Variants in CRK observed in about 807,000 individuals in gnomAD.
CRK encodes adapter molecule crk.
In CRK, 4 loss-of-function variants were observed where a neutral mutation model predicts 29.8. The observed-to-expected ratio is 0.13, with a 90% CI of 0.07 to 0.31. The LOEUF is 0.31. Ranked by LOEUF, CRK falls within the 10% of genes least tolerant of loss-of-function variation. The pLI, the probability that CRK is intolerant of heterozygous loss-of-function variation, is 1.00. For missense variants in CRK, 274 were observed against 396.5 expected, an observed-to-expected ratio of 0.69 and a Z score of 2.62; for synonymous variants, 153 against 164.9, an observed-to-expected ratio of 0.93 and a Z score of 0.55.
chr17:1,435,274 A>ACT (rs761537448), intron 2 of CRK, among the ~76,000 whole-genome samples: 2 of 151,446 alleles, frequency 1.3e-5, no homozygotes, highest in Non-Finnish European at 2.9e-5. Context: ...CCGGTCTCCA[A>ACT]CTCCTGAGCT....
intron 2 of CRK, among the ~76,000 whole-genome samples, chr17:1,430,409 T>C (rs544023533): frequency 1.3e-5 from 2 of 150,236 alleles, no homozygotes; most frequent in East Asian, 2.0e-4. Context: ...CAGGCTGGAG[T>C]GCAGTGGCGC....
intron 1 of CRK, among the ~76,000 whole-genome samples, chr17:1,446,237 C>T (rs2073973827): frequency 1.3e-5 from 2 of 152,138 alleles, no homozygotes; most frequent in Admixed American, 6.6e-5. Flanking sequence ...AACCTCCCAC[C>T]CGGCTTTCAC....
chr17:1,444,593 A>AGT (rs1555654413), intron 1 of CRK, among the ~76,000 whole-genome samples: 1 of 50,948 alleles, frequency 2.0e-5, no homozygotes. Flanking sequence ...GGGAAGCCGA[A>AGT]GCGGGGGGGG....
chr17:1,451,452 G>A (rs980429843), intron 1 of CRK, among the ~76,000 whole-genome samples: 4 of 151,688 alleles, frequency 2.6e-5, no homozygotes, highest in African/African-American at 7.2e-5. Context: ...GGCTGGTCTC[G>A]AACTCTTGAC....
intron 1 of CRK, among the ~76,000 whole-genome samples, chr17:1,440,077 A>T (rs2150907491): frequency 6.6e-6 from 1 of 152,008 alleles, no homozygotes; most frequent in Admixed American, 6.6e-5. Context: ...AGGCAGGTGG[A>T]TCACAAGGTC....
At chr17:1,443,350 A>C (rs2073949649) in intron 1 of CRK, among the ~76,000 whole-genome samples, 1 of 151,948 alleles carries the variant, frequency 6.6e-6, no homozygotes, top group Admixed American at 6.6e-5. Flanking sequence ...GACTATAGGC[A>C]CAAGCCACCC....
intron 1 of CRK, among the ~76,000 whole-genome samples, chr17:1,453,176 C>T (rs1220785820): frequency 2.6e-5 from 4 of 152,178 alleles, no homozygotes; most frequent in Non-Finnish European, 5.9e-5. Context: ...TATCACAATA[C>T]TCGTGAATTT....
At chr17:1,433,542 G>A (rs182600887) in intron 2 of CRK, among the ~76,000 whole-genome samples, 1,580 of 111,798 alleles carry the variant, frequency 0.014, 19 homozygotes, top group Middle Eastern at 0.096. Flanking sequence ...TTTTGAGATG[G>A]AGTTTCACTC....
At chr17:1,430,611 C>A (rs112973264) in intron 2 of CRK, among the ~76,000 whole-genome samples, 8 of 150,166 alleles carry the variant, frequency 5.3e-5, no homozygotes, top group Non-Finnish European at 1.2e-4. Context: ...GTGATCCGCC[C>A]GCCTTGGCCT....
intron 2 of CRK, among the ~76,000 whole-genome samples, chr17:1,427,714 C>T (rs2073794879): frequency 6.6e-6 from 1 of 151,946 alleles, no homozygotes; most frequent in South Asian, 2.1e-4. Flanking sequence ...ACTGCAACCT[C>T]CACCTGCCAG....
At chr17:1,438,958 C>G (rs917969517) in intron 1 of CRK, among the ~76,000 whole-genome samples, 1 of 151,992 alleles carries the variant, frequency 6.6e-6, no homozygotes, top group African/African-American at 2.4e-5. Flanking sequence ...CCCAGCCTCA[C>G]GAATAGCTTC....
chr17:1,442,195 C>G (rs1210413586), intron 1 of CRK, among the ~76,000 whole-genome samples: 6 of 151,232 alleles, frequency 4.0e-5, no homozygotes, highest in African/African-American at 1.5e-4. Flanking sequence ...TGTTCTGTCA[C>G]CCAGGCAGGG....
At chr17:1,430,396 G>T (rs1041803421) in intron 2 of CRK, among the ~76,000 whole-genome samples, 1 of 150,378 alleles carries the variant, frequency 6.6e-6, no homozygotes, top group East Asian at 2.0e-4. Flanking sequence ...TCGCTCTGTC[G>T]CCCAGGCTGG....
Position 1,436,725 on chromosome 17 carries a change from G to A in CRK, c.672C>T (p.Pro224=), listed in dbSNP as rs2073889350. 6.2e-7 allele frequency: 1 copy of A among 1,607,294 alleles called. No individual in the cohort carries two copies. Among genetic ancestry groups the A allele is most frequent in the Non-Finnish European group, 8.5e-7 (1 of 1,177,248 alleles). Residue 224 remains proline (P), a synonymous_variant, in exon 2 of 3, where the codon CCC becomes CCT. Transcript: ENST00000300574. The part of the protein sequence containing the change: ...GGPEPGPYAQ[P]SVNTPLPNLQ... ...GGTTAGGGAGCGGAGTGTTGACGCT[G>A]GGTTGGGCATAGGGCCCAGGCTCCG... is the stretch of plus-strand genomic sequence containing the variant.
At chr17:1,451,232 C>T (rs1157717700) in intron 1 of CRK, among the ~76,000 whole-genome samples, 3 of 128,478 alleles carry the variant, frequency 2.3e-5, no homozygotes, top group African/African-American at 5.7e-5. Context: ...TTTTAAAAAG[C>T]TTCTTCATCA....
intron 1 of CRK, among the ~76,000 whole-genome samples, chr17:1,444,000 T>A (rs1282819924): frequency 6.6e-6 from 1 of 151,696 alleles, no homozygotes; most frequent in Middle Eastern, 3.2e-3. Context: ...CCGCCTGGCC[T>A]ATTTTTTTTT....
chr17:1,451,054 T>C (rs1162127610), intron 1 of CRK, among the ~76,000 whole-genome samples: 4 of 150,988 alleles, frequency 2.6e-5, no homozygotes, highest in African/African-American at 9.7e-5. Flanking sequence ...TAGCCGGGCG[T>C]GGTGGCGGGC....
At position 1,421,437 on chromosome 17, in the gene CRK, A is replaced by AACT. The variant is rs2073723423; in HGVS notation, c.*2075_*2076insAGT. ...TAACTGAAAATTTAACAAAGCAGTC[A>AACT]GATGGAATTACATGTAGTATTACAA... On this transcript the variant is annotated 3_prime_UTR_variant, in exon 3 of 3. Coordinates refer to ENST00000300574, the MANE Select transcript of CRK (RefSeq NM_016823.4). The AACT allele has an allele frequency of 2.0e-5, 3 of 152,260 alleles. No homozygotes were observed. Among genetic ancestry groups the AACT allele is most frequent in the Non-Finnish European group, 4.4e-5 (3 of 68,052 alleles). The allele number at this position is 152,260 out of a possible 1,614,324, so 9.4% of individuals were successfully genotyped here.
chr17:1,445,749 A>G (rs1283817467), intron 1 of CRK, among the ~76,000 whole-genome samples: 2 of 152,136 alleles, frequency 1.3e-5, no homozygotes, highest in African/African-American at 4.8e-5. Flanking sequence ...CTGGTCAAGA[A>G]AACTCTAGGG....
Sources: allele counts gnomAD v4.1 joint callset (sites outside exome capture counted in the v4.1 genomes callset), GRCh38; gene constraint gnomAD v4.1.1; transcripts MANE v1.5; gene names NCBI Gene and HGNC (gene_info 2026-07-23, HGNC 2026-07-21).